The following SENP7 variants were observed in gnomAD, a reference collection of about 807,000 sequenced individuals.
SENP7 encodes SUMO specific peptidase 7, also known as sentrin-specific protease 7.
A neutral mutation model predicts 141.2 loss-of-function variants in SENP7; 64 were observed. The ratio of observed to expected loss-of-function variants is 0.45; its 90% confidence interval spans 0.37 to 0.56. The LOEUF (loss-of-function observed/expected upper bound fraction) is 0.56, where lower values mean the gene tolerates loss of function less well. SENP7 is among the 20% of genes least tolerant of loss of function. The pLI is 0.00. For synonymous variants in SENP7, 382 were observed against 426.4 expected, an observed-to-expected ratio of 0.90 and a Z score of 1.28; for missense variants, 1,025 against 1,212.2, an observed-to-expected ratio of 0.85 and a Z score of 2.29.
At chr3:101,359,959 T>G (rs1179112236) in intron 11 of SENP7, among the ~76,000 whole-genome samples, 2 of 152,018 alleles carry the variant, frequency 1.3e-5, no homozygotes, top group African/African-American at 2.4e-5. Flanking sequence ...ATATTTATAT[T>G]GGATTTTCCT....
intron 3 of SENP7, among the ~76,000 whole-genome samples, chr3:101,471,423 T>C (rs1576455458): frequency 6.6e-6 from 1 of 152,188 alleles, no homozygotes. Context: ...ATTTAATAAA[T>C]GGTGCTGGGA....
At position 101,381,529 on chromosome 3, in the gene SENP7, T is replaced by C. The variant is rs184489504; in HGVS notation, c.678-9403A>G. ...ATTATGGGTAATATCAATTTCATAC[T>C]TTTCTATATATCTCTTAATATAAAT... On this transcript the variant is annotated intron_variant, in intron 6 of 23. Coordinates refer to ENST00000394095, the MANE Select transcript of SENP7 (RefSeq NM_020654.5). Among the ~76,000 whole-genome samples the C allele has an allele frequency of 1.4e-4, 21 of 152,222 alleles. No individual in the cohort carries two copies. In the East Asian group the frequency reaches 3.9e-3, roughly 28 times the overall value.
At chr3:101,441,385 G>A (rs1423928804) in intron 4 of SENP7, among the ~76,000 whole-genome samples, 5 of 152,138 alleles carry the variant, frequency 3.3e-5, no homozygotes, top group Non-Finnish European at 5.9e-5. Flanking sequence ...CGCAGGCACT[G>A]TCCCAGGAAG....
At chr3:101,463,671 G>C (rs1345589914) in intron 3 of SENP7, among the ~76,000 whole-genome samples, 1 of 151,284 alleles carries the variant, frequency 6.6e-6, no homozygotes, top group African/African-American at 2.4e-5. Context: ...AAAATGTCCA[G>C]GATATAATCC....
intron 4 of SENP7, among the ~76,000 whole-genome samples, chr3:101,420,556 G>T (rs2061762150): frequency 6.6e-6 from 1 of 152,264 alleles, no homozygotes; most frequent in African/African-American, 2.4e-5. Context: ...AGATAATTGA[G>T]TTCACAGATG....
intron 1 of SENP7, among the ~76,000 whole-genome samples, chr3:101,509,619 C>T (rs992773317): frequency 1.3e-5 from 2 of 152,178 alleles, no homozygotes; most frequent in Admixed American, 1.3e-4. Context: ...ACTAAGATTG[C>T]TGCAAATAAT....
At chr3:101,443,092 T>G (rs1447425710) in intron 4 of SENP7, among the ~76,000 whole-genome samples, 2 of 152,298 alleles carry the variant, frequency 1.3e-5, no homozygotes, top group South Asian at 2.1e-4. Context: ...GGTCAAACGT[T>G]TAAGTCTTTA....
intron 2 of SENP7, among the ~76,000 whole-genome samples, chr3:101,497,866 G>A (rs576661686): frequency 1.3e-4 from 20 of 152,296 alleles, no homozygotes; most frequent in Admixed American, 3.3e-4. Flanking sequence ...GCAGTGGTGC[G>A]ATCACAGCTG....
chr3:101,371,793 A>G (rs1221093840), intron 7 of SENP7, among the ~76,000 whole-genome samples: 2 of 152,176 alleles, frequency 1.3e-5, no homozygotes, highest in Admixed American at 1.3e-4. Context: ...AAAATATATT[A>G]AAATTTAACT....
chr3:101,511,811 GTTTTT>G (rs1167381685), intron 1 of SENP7, among the ~76,000 whole-genome samples: 3 of 148,970 alleles, frequency 2.0e-5, no homozygotes, highest in Non-Finnish European at 4.5e-5. Flanking sequence ...GGTTTTTTTT[GTTTTT>G]TTTTTGTTGT....
chr3:101,335,035 T>C (rs2059148936), intron 17 of SENP7, among the ~76,000 whole-genome samples: 2 of 152,194 alleles, frequency 1.3e-5, no homozygotes, highest in African/African-American at 4.8e-5. Flanking sequence ...ATAAAGTCCC[T>C]AACTTCATGT....
chr3:101,381,010 T>C (rs1475145853), intron 6 of SENP7, among the ~76,000 whole-genome samples: 2 of 152,194 alleles, frequency 1.3e-5, no homozygotes, highest in Non-Finnish European at 2.9e-5. Context: ...ATGCATGCCA[T>C]GTAATACATA....
intron 6 of SENP7, among the ~76,000 whole-genome samples, chr3:101,372,921 A>C: frequency 6.6e-6 from 1 of 152,176 alleles, no homozygotes; most frequent in South Asian, 2.1e-4. Flanking sequence ...ATTATTCTCT[A>C]TACTTATGTA....
intron 4 of SENP7, among the ~76,000 whole-genome samples, chr3:101,428,895 A>G (rs770763006): frequency 6.6e-6 from 1 of 152,114 alleles, no homozygotes; most frequent in African/African-American, 2.4e-5. Flanking sequence ...GAGTCATTTC[A>G]GTTTCCTGCA....
intron 6 of SENP7, among the ~76,000 whole-genome samples, chr3:101,372,457 C>G (rs2060208022): frequency 6.6e-6 from 1 of 152,044 alleles, no homozygotes; most frequent in Non-Finnish European, 1.5e-5. Context: ...ACAAGTACCT[C>G]AATAATTAAA....
At chr3:101,453,151 C>T (rs931775763) in intron 4 of SENP7, among the ~76,000 whole-genome samples, 4 of 152,158 alleles carry the variant, frequency 2.6e-5, no homozygotes, top group African/African-American at 9.7e-5. Context: ...AAATGCAAAT[C>T]AAAACCACAA....
chr3:101,418,695 C>A (rs540616486), intron 4 of SENP7, among the ~76,000 whole-genome samples: 210 of 143,258 alleles, frequency 1.5e-3, no homozygotes, highest in Non-Finnish European at 2.4e-3. Context: ...AAAAAAAAAA[C>A]CACTTGTTTG....
At chr3:101,442,029 A>G (rs868318485) in intron 4 of SENP7, among the ~76,000 whole-genome samples, 8 of 152,244 alleles carry the variant, frequency 5.3e-5, no homozygotes, top group Middle Eastern at 3.2e-3. Context: ...AGATACATCT[A>G]CAGGAAAAAG....
Position 101,372,100 on chromosome 3 carries a change from T to C in SENP7, c.704A>G (p.Asp235Gly). 6.4e-7 allele frequency: 1 copy of C among 1,560,778 alleles called. No individual in the cohort carries two copies. The change falls in exon 7 of 24, where the codon GAT becomes GGT. Residue 235 changes from aspartate (D) to glycine (G), a missense_variant. Around this residue, in one of 4 missense-constraint regions of SENP7, gnomAD observed 496 missense variants for 503.5 expected, o/e 0.99. Transcript: ENST00000394095. ...CGCAGTCTGCTTTGCAGAATTGTCA[T>C]CTACTGTCTTACTTCGTTGTGAGCC... ...ERGSQRSKTV[D>G]DNSAKQTAHN...
Sources: gnomAD v4.1 joint callset for allele counts (sites outside exome capture counted in the v4.1 genomes callset) on GRCh38, gnomAD v4.1.1 for gene constraint, gnomAD v4.1.1 regional missense constraint, MANE v1.5 for transcripts, NCBI Gene and HGNC (gene_info 2026-07-23, HGNC 2026-07-21) for gene names.